The following PLCB4 variants were observed in gnomAD, a reference collection of about 807,000 sequenced individuals.
PLCB4 encodes phospholipase C beta 4.
In PLCB4, 77 loss-of-function variants were observed where a neutral mutation model predicts 178.8. The ratio of observed to expected loss-of-function variants is 0.43; its 90% CI spans 0.36 to 0.52. PLCB4 has a LOEUF of 0.52. Ranked by LOEUF, PLCB4 falls within the 20% of genes least tolerant of loss-of-function variation. The pLI is 0.00. For synonymous variants in PLCB4, 496 were observed against 490.8 expected (o/e 1.01, Z -0.14); for missense variants, 1,024 against 1,453.4 (o/e 0.70, Z 4.80).
chr20:9,239,089 A>G (rs1210239888), intron 3 of PLCB4, among the ~76,000 whole-genome samples: 1 of 152,064 alleles, frequency 6.6e-6, no homozygotes, highest in Non-Finnish European at 1.5e-5. Flanking sequence ...TTACCTTACT[A>G]TTTATAGTTC....
intron 28 of PLCB4, among the ~76,000 whole-genome samples, chr20:9,424,752 A>G (rs931655933): frequency 2.0e-5 from 3 of 152,182 alleles, no homozygotes; most frequent in Non-Finnish European, 2.9e-5. Flanking sequence ...TTATCATTAG[A>G]GTACATGATA....
At chr20:9,167,725 T>C (rs191310831) in intron 2 of PLCB4, among the ~76,000 whole-genome samples, 1 of 152,368 alleles carries the variant, frequency 6.6e-6, no homozygotes, top group Non-Finnish European at 1.5e-5. Flanking sequence ...TGCTGAAGTA[T>C]GAAACTTGTA....
intron 4 of PLCB4, among the ~76,000 whole-genome samples, chr20:9,335,751 C>A (rs1055286076): frequency 1.3e-5 from 2 of 152,142 alleles, no homozygotes; most frequent in African/African-American, 2.4e-5. Flanking sequence ...AATGGTGGAA[C>A]TGGGTTTTAA....
At chr20:9,077,264 G>C (rs1025055615) in intron 1 of PLCB4, among the ~76,000 whole-genome samples, 1 of 152,170 alleles carries the variant, frequency 6.6e-6, no homozygotes. Context: ...TTTGTTCGTA[G>C]GTCTTTGTGC....
chr20:9,364,968 A>C (rs541186316), intron 8 of PLCB4, among the ~76,000 whole-genome samples: 1 of 151,182 alleles, frequency 6.6e-6, no homozygotes, highest in Non-Finnish European at 1.5e-5. Flanking sequence ...ATGAGTCCTC[A>C]TGAATTCTCA....
chr20:9,134,438 A>T (rs1458510938), intron 2 of PLCB4, among the ~76,000 whole-genome samples: 3 of 152,140 alleles, frequency 2.0e-5, no homozygotes, highest in Non-Finnish European at 4.4e-5. Flanking sequence ...GGTAAATGAC[A>T]TTGTATAACC....
rs569476817 is a variant in PLCB4 at position 9,205,429 on chromosome 20, A to G, written c.-78-11961A>G. Among the ~76,000 whole-genome samples the G allele has an allele frequency of 1.4e-3, 208 of 152,350 alleles. 1 individual carries two copies. Among genetic ancestry groups the G allele is most frequent in the African/African-American group, 4.7e-3 (195 of 41,578 alleles). On this transcript the variant is annotated intron_variant, in intron 2 of 39. Transcript: ENST00000378473. ...CTTATTCTAAATCTAGAGCATCTGTATATTATTAAAATTAAATTTACCTTT... is the reference window on the plus strand; with the variant it reads ...CTTATTCTAAATCTAGAGCATCTGTGTATTATTAAAATTAAATTTACCTTT...
chr20:9,426,238 G>C (rs2148593774), intron 28 of PLCB4, among the ~76,000 whole-genome samples: 1 of 152,184 alleles, frequency 6.6e-6, no homozygotes, highest in Non-Finnish European at 1.5e-5. Flanking sequence ...ATGCATAGCA[G>C]GTTTATTCTA....
At chr20:9,344,168 C>A (rs1368875086) in intron 7 of PLCB4, among the ~76,000 whole-genome samples, 4 of 152,194 alleles carry the variant, frequency 2.6e-5, no homozygotes, top group African/African-American at 9.6e-5. Flanking sequence ...CTCTCTCTTT[C>A]CTCCTACGCA....
intron 3 of PLCB4, among the ~76,000 whole-genome samples, chr20:9,243,377 G>T (rs1020821211): frequency 2.6e-5 from 4 of 152,158 alleles, no homozygotes; most frequent in African/African-American, 7.2e-5. Flanking sequence ...TTTAGAAAAA[G>T]GCAAGACTTC....
chr20:9,251,478 T>G (rs2094179983), intron 3 of PLCB4, among the ~76,000 whole-genome samples: 1 of 152,212 alleles, frequency 6.6e-6, no homozygotes, highest in African/African-American at 2.4e-5. Flanking sequence ...GCGTTCTATT[T>G]TATTGGCAAC....
chr20:9,112,689 C>T (rs1351784964), intron 2 of PLCB4, among the ~76,000 whole-genome samples: 3 of 152,078 alleles, frequency 2.0e-5, no homozygotes, highest in Non-Finnish European at 2.9e-5. Context: ...CTGGGCTAGG[C>T]CTGGAGCATA....
At chr20:9,344,422 C>G (rs549657091) in intron 7 of PLCB4, among the ~76,000 whole-genome samples, 117 of 152,234 alleles carry the variant, frequency 7.7e-4, no homozygotes, top group Non-Finnish European at 1.4e-3. Context: ...CTTCCTCTGT[C>G]TGCAGGACGG....
chr20:9,069,549 G>A (rs1422715684), intron 1 of PLCB4, among the ~76,000 whole-genome samples: 4 of 152,298 alleles, frequency 2.6e-5, no homozygotes, highest in East Asian at 1.9e-4. Flanking sequence ...ATGTGTATGC[G>A]TGTGGATCTT....
At chr20:9,454,300 C>T (rs2042934775) in intron 33 of PLCB4, among the ~76,000 whole-genome samples, 1 of 152,144 alleles carries the variant, frequency 6.6e-6, no homozygotes, top group African/African-American at 2.4e-5. Flanking sequence ...ACCTGGATGA[C>T]TTGGTTAAGC....
rs138482707 is a variant in PLCB4, at chr20:9,263,222, C to T, written c.-15-44578C>T. 4.0e-3 allele frequency among the ~76,000 whole-genome samples: 613 copies of T among 152,206 alleles called. 7 individuals carry two copies. The highest frequency in any genetic ancestry group is 0.014 in the African/African-American group (593 of 41,534). On this transcript the variant is annotated intron_variant, in intron 3 of 39. Transcript: ENST00000378473. Reference sequence around the variant, plus strand: ...CAAGATCCCAGCACAAATATGGGTGCCATGGATAGCGTTGTGGATAGGGGT... The same window carrying T: ...CAAGATCCCAGCACAAATATGGGTGTCATGGATAGCGTTGTGGATAGGGGT...
chr20:9,329,205 G>A (rs1408918584), intron 4 of PLCB4, among the ~76,000 whole-genome samples: 4 of 152,168 alleles, frequency 2.6e-5, no homozygotes, highest in Non-Finnish European at 5.9e-5. Flanking sequence ...GCATTCACCT[G>A]TACAAGCTTC....
chr20:9,293,234 G>T (rs1328484764), intron 3 of PLCB4, among the ~76,000 whole-genome samples: 2 of 147,136 alleles, frequency 1.4e-5, no homozygotes, highest in African/African-American at 5.0e-5. Context: ...AAGGAAGGAA[G>T]GAAGGGAAGA....
rs532155599 is a variant in PLCB4, at chr20:9,128,743, T to C, written c.-79+32401T>C. 2.6e-5 allele frequency among the ~76,000 whole-genome samples: 4 copies of C among 152,322 alleles called. No individual in the cohort carries two copies. The East Asian group carries it at 7.7e-4, about 29-fold the overall frequency. ...AGTGACATTAAGTACATTCACAGAA[T>C]TGCACAACCATCATTACTATTCATC... On this transcript the variant is annotated intron_variant, in intron 2 of 39. Transcript: ENST00000378473.
Sources: gnomAD v4.1 joint callset for allele counts (sites outside exome capture counted in the v4.1 genomes callset) on GRCh38, gnomAD v4.1.1 for gene constraint, MANE v1.5 for transcripts, NCBI Gene and HGNC (gene_info 2026-07-23, HGNC 2026-07-21) for gene names.